PPP2R5E: variants seen among roughly 807,000 people sequenced by gnomAD.
PPP2R5E encodes protein phosphatase 2 regulatory subunit B'epsilon.
In PPP2R5E, 4 loss-of-function variants were observed where a neutral mutation model predicts 65.3. The observed-to-expected ratio is 0.06, with a 90% confidence interval of 0.03 to 0.14. The LOEUF is 0.14. PPP2R5E is among the 10% of genes least tolerant of loss of function. The pLI is 1.00. For missense variants in PPP2R5E, 274 were observed against 556.1 expected, an observed-to-expected ratio of 0.49 and a Z score of 5.10; for synonymous variants, 183 against 187.4, an observed-to-expected ratio of 0.98 and a Z score of 0.19.
rs183673486 is a variant in PPP2R5E, at chr14:63,528,521, T to C, written c.157+11008A>G. On this transcript the variant is annotated intron_variant, in intron 2 of 13. Coordinates refer to ENST00000337537, the MANE Select transcript of PPP2R5E (RefSeq NM_006246.5). ...TTCTCTCTATATAATATACCACTTATGTTTTTAACCTGAAACATGCAGAAT... is the reference window on the plus strand; with the variant it reads ...TTCTCTCTATATAATATACCACTTACGTTTTTAACCTGAAACATGCAGAAT... Among the ~76,000 whole-genome samples the C allele has an allele frequency of 6.9e-3, 1,054 of 152,356 alleles. 9 individuals are homozygous for C. The highest frequency in any genetic ancestry group is 0.02 in the African/African-American group (818 of 41,578).
intron 5 of PPP2R5E, 112 bp downstream of exon 5, chr14:63,415,028 T>TATA: frequency 1.7e-6 from 1 of 595,570 alleles, no homozygotes. Context: ...TATATATATA[T>TATA]TTTGTGGGTG....
chr14:63,384,665 C>T (rs1884554654), intron 11 of PPP2R5E, 94 bp from the exon 12 acceptor site: 1 of 1,074,698 alleles, frequency 9.3e-7, no homozygotes, highest in Admixed American at 2.5e-5. Flanking sequence ...TTTCAAAAGG[C>T]TATTTGTAAA....
chr14:63,465,076 A>G lies in PPP2R5E; in HGVS notation c.158-11191T>C, dbSNP rs542575747. Among the ~76,000 whole-genome samples, 140 of 151,962 alleles carry G rather than the reference A, an allele frequency of 9.2e-4. 1 individual carries two copies. The highest frequency in any genetic ancestry group is 3.4e-3 in the Middle Eastern group (1 of 294). ...AAAAGAAAAAGAAAATGTACTTCACAGGGTTGAGTAAAGATTAAATGAAAA... is the reference window on the plus strand; with the variant it reads ...AAAAGAAAAAGAAAATGTACTTCACGGGGTTGAGTAAAGATTAAATGAAAA... On this transcript the variant is annotated intron_variant, in intron 2 of 13. Transcript: ENST00000337537.
intron 2 of PPP2R5E, among the ~76,000 whole-genome samples, chr14:63,508,427 G>T (rs1892314327): frequency 6.6e-6 from 1 of 152,136 alleles, no homozygotes; most frequent in Non-Finnish European, 1.5e-5. Flanking sequence ...TCATTTTCCT[G>T]AATTCTTCAG....
At chr14:63,441,767 G>A (rs8003246) in intron 3 of PPP2R5E, among the ~76,000 whole-genome samples, 45,513 of 151,690 alleles carry the variant, frequency 0.3, 8,518 homozygotes, top group African/African-American at 0.53. Context: ...AAAATTACTC[G>A]GGTGTGGTGG....
chr14:63,462,146 C>T (rs1207732373), intron 2 of PPP2R5E, among the ~76,000 whole-genome samples: 1 of 151,712 alleles, frequency 6.6e-6, no homozygotes, highest in Non-Finnish European at 1.5e-5. Context: ...TCTCGGCTCA[C>T]TGCAAGCTCC....
chr14:63,518,828 T>C (rs990492246), intron 2 of PPP2R5E, among the ~76,000 whole-genome samples: 3 of 152,158 alleles, frequency 2.0e-5, no homozygotes, highest in Admixed American at 2.0e-4. Context: ...TATAAGAATA[T>C]GCAGGCTGCT....
At chr14:63,511,768 G>T (rs1892461760) in intron 2 of PPP2R5E, among the ~76,000 whole-genome samples, 1 of 152,054 alleles carries the variant, frequency 6.6e-6, no homozygotes, top group African/African-American at 2.4e-5. Context: ...TGAGTTCTCT[G>T]TGCAAAAAAT....
At chr14:63,476,107 G>A (rs74057490) in intron 2 of PPP2R5E, among the ~76,000 whole-genome samples, 5,540 of 152,110 alleles carry the variant, frequency 0.036, 350 homozygotes, top group African/African-American at 0.13. Flanking sequence ...AAAAGTAAAA[G>A]CATTAACACA....
chr14:63,494,374 C>T (rs756060441), intron 2 of PPP2R5E, among the ~76,000 whole-genome samples: 3 of 151,918 alleles, frequency 2.0e-5, no homozygotes, highest in Non-Finnish European at 4.4e-5. Flanking sequence ...GCTGGGATTA[C>T]AGGTGTGTAC....
intron 3 of PPP2R5E, among the ~76,000 whole-genome samples, chr14:63,432,069 T>C (rs965335303): frequency 6.6e-6 from 1 of 151,376 alleles, no homozygotes; most frequent in Non-Finnish European, 1.5e-5. Context: ...AAACTTATAA[T>C]ACCCAATTAG....
At chr14:63,488,775 G>A (rs1891135177) in intron 2 of PPP2R5E, among the ~76,000 whole-genome samples, 1 of 151,942 alleles carries the variant, frequency 6.6e-6, no homozygotes, top group Admixed American at 6.6e-5. Context: ...CTTGAACCCA[G>A]GAGGCAGAGG....
In PPP2R5E at chr14:63,473,488, G is replaced by A. The variant is rs547479557; in HGVS notation, c.158-19603C>T. Reference sequence around the variant, plus strand: ...GGACAGAGAACCAAGATGATGAAGTGCCCGCAAAAACAAGAAGTAAAGCTC... The same window carrying A: ...GGACAGAGAACCAAGATGATGAAGTACCCGCAAAAACAAGAAGTAAAGCTC... On this transcript the variant is annotated intron_variant, in intron 2 of 13. Coordinates refer to ENST00000337537, the MANE Select transcript of PPP2R5E (RefSeq NM_006246.5). Among the ~76,000 whole-genome samples the A allele has an allele frequency of 3.3e-5, 5 of 152,284 alleles. No homozygotes were observed. The South Asian group carries it at 1.0e-3, about 32-fold the overall frequency.
intron 5 of PPP2R5E, among the ~76,000 whole-genome samples, chr14:63,402,985 T>C (rs952435131): frequency 1.3e-5 from 2 of 152,126 alleles, no homozygotes; most frequent in African/African-American, 4.8e-5. Context: ...TCAAAGAAGA[T>C]ACAAAGAAGA....
chr14:63,481,923 A>C (rs1219161399), intron 2 of PPP2R5E, among the ~76,000 whole-genome samples: 1 of 152,226 alleles, frequency 6.6e-6, no homozygotes, highest in East Asian at 1.9e-4. Context: ...CAAACAGTTA[A>C]AGAATTCATT....
At chr14:63,385,066 C>T (rs572016723) in intron 11 of PPP2R5E, among the ~76,000 whole-genome samples, 11 of 152,066 alleles carry the variant, frequency 7.2e-5, no homozygotes, top group African/African-American at 2.6e-4. Context: ...GTGGCTCACA[C>T]CTGTAATCCC....
At chr14:63,524,393 A>G (rs1255771) in intron 2 of PPP2R5E, among the ~76,000 whole-genome samples, 52,905 of 152,012 alleles carry the variant, frequency 0.35, 11,483 homozygotes, top group African/African-American at 0.62. Context: ...CACTATTCAG[A>G]CAGTTTACCC....
rs189585727 is a variant in PPP2R5E at position 63,444,115 on chromosome 14, C to A, written c.354+9574G>T. 3.3e-5 allele frequency among the ~76,000 whole-genome samples: 5 copies of A among 152,276 alleles called. No homozygotes were observed. In the East Asian group the frequency reaches 9.6e-4, roughly 29 times the overall value. On this transcript the variant is annotated intron_variant, in intron 3 of 13. Transcript: ENST00000337537. ...TCTGTCAGGTTCTTTCAGACTGGCC[C>A]ACATCCACATCTTCAGCTGCCACCA... is the stretch of plus-strand genomic sequence containing the variant.
chr14:63,430,280 G>T (rs146696178), intron 3 of PPP2R5E, among the ~76,000 whole-genome samples: 1 of 151,834 alleles, frequency 6.6e-6, no homozygotes, highest in African/African-American at 2.4e-5. Context: ...TTGGGAGGCC[G>T]AGGCGGGAGG....
Sources: allele counts gnomAD v4.1 joint callset (sites outside exome capture counted in the v4.1 genomes callset), GRCh38; gene constraint gnomAD v4.1.1; transcripts MANE v1.5; gene names NCBI Gene and HGNC (gene_info 2026-07-23, HGNC 2026-07-21).